Variants in SLC18A2 observed in about 807,000 individuals in gnomAD.
SLC18A2 encodes synaptic vesicular amine transporter.
SLC18A2 carries 33 observed loss-of-function variants against 59.2 expected under a neutral mutation model. The observed-to-expected ratio is 0.56, with a 90% confidence interval of 0.42 to 0.75. The LOEUF (loss-of-function observed/expected upper bound fraction) is 0.75. SLC18A2 is among the 30% of genes least tolerant of loss of function. The pLI is 0.00. For synonymous variants in SLC18A2, 228 were observed against 253.5 expected, an observed-to-expected ratio of 0.90 and a Z score of 0.95; for missense variants, 569 against 668.6, an observed-to-expected ratio of 0.85 and a Z score of 1.64.
intron 3 of SLC18A2, among the ~76,000 whole-genome samples, chr10:117,248,663 A>G (rs905176771): frequency 6.6e-6 from 1 of 152,252 alleles, no homozygotes; most frequent in Non-Finnish European, 1.5e-5. Flanking sequence ...TTAGATATAT[A>G]TGTCCATAAG....
At chr10:117,257,214 A>ACTTCTATATTTACAAAGG (rs1337594473) in intron 9 of SLC18A2, among the ~76,000 whole-genome samples, 1 of 152,086 alleles carries the variant, frequency 6.6e-6, no homozygotes, top group Admixed American at 6.5e-5. Flanking sequence ...TTTTCCAGAT[A>ACTTCTATATTTACAAAGG]GTTCTATATT....
chr10:117,253,219 C>T (rs577280779), intron 3 of SLC18A2, among the ~76,000 whole-genome samples, 180 bp from the exon 4 acceptor site: 123 of 152,256 alleles, frequency 8.1e-4, no homozygotes, highest in Admixed American at 1.4e-3. Flanking sequence ...AATGTATTCA[C>T]GTTCCAAGAC....
At chr10:117,249,347 C>G (rs965652169) in intron 3 of SLC18A2, among the ~76,000 whole-genome samples, 1 of 152,214 alleles carries the variant, frequency 6.6e-6, no homozygotes, top group Non-Finnish European at 1.5e-5. Flanking sequence ...AGTCCGTGCC[C>G]CCTGGAATTC....
rs766434217 is a variant in SLC18A2 at position 117,270,127 on chromosome 10, G to T, written c.1243G>T (p.Val415Leu). The T allele has an allele frequency of 1.9e-6, 3 of 1,614,226 alleles. No individual in the cohort carries two copies. The East Asian group carries it at 6.7e-5, about 36-fold the overall frequency. The change falls in exon 14 of 16, where the codon GTG becomes TTG. Residue 415 changes from valine (V) to leucine (L), a missense_variant. This residue lies in a region of SLC18A2 where 192 missense variants were observed against 278.8 expected (regional missense o/e 0.69). Transcript: ENST00000644641. ...IMGYLVDLRH[V>L]SVYGSVYAIA... ...GGGCTACCTCGTAGACCTGCGGCAC[G>T]TGTCCGTCTATGGGAGTGTGTACGC...
chr10:117,254,743 A>G (rs1844207305), intron 6 of SLC18A2, among the ~76,000 whole-genome samples: 1 of 152,074 alleles, frequency 6.6e-6, no homozygotes, highest in African/African-American at 2.4e-5. Flanking sequence ...TGGAAAACCA[A>G]AGGTTGAACA....
At chr10:117,248,764 T>C (rs1372392043) in intron 3 of SLC18A2, among the ~76,000 whole-genome samples, 2 of 152,238 alleles carry the variant, frequency 1.3e-5, no homozygotes, top group African/African-American at 4.8e-5. Context: ...GTGGTCTTGC[T>C]TAGCATAAGG....
chr10:117,252,471 A>G (rs992786587), intron 3 of SLC18A2, among the ~76,000 whole-genome samples: 2 of 152,082 alleles, frequency 1.3e-5, no homozygotes, highest in Admixed American at 6.5e-5. Flanking sequence ...CAAACCTTCA[A>G]TTGGGCAAGA....
chr10:117,248,790 C>G (rs953011681), intron 3 of SLC18A2, among the ~76,000 whole-genome samples: 1 of 152,184 alleles, frequency 6.6e-6, no homozygotes, highest in East Asian at 1.9e-4. Context: ...ATAATAGTTG[C>G]ATCTTCAGAA....
intron 10 of SLC18A2, among the ~76,000 whole-genome samples, chr10:117,260,012 C>T (rs988959710): frequency 6.6e-6 from 1 of 152,162 alleles, no homozygotes; most frequent in African/African-American, 2.4e-5. Context: ...TTGAGTTATT[C>T]CTGTTCATCT....
At chr10:117,245,509 T>C (rs1050583829) in intron 3 of SLC18A2, among the ~76,000 whole-genome samples, 10 of 151,652 alleles carry the variant, frequency 6.6e-5, no homozygotes, top group Admixed American at 6.6e-4. Context: ...GCAGGGTAGG[T>C]GGGCAGGGAG....
chr10:117,258,728 C>A (rs905724776), intron 10 of SLC18A2, among the ~76,000 whole-genome samples: 1 of 151,240 alleles, frequency 6.6e-6, no homozygotes, highest in Non-Finnish European at 1.5e-5. Context: ...TCTGCTGATA[C>A]CCTTATGTCT....
At chr10:117,273,418 C>T (rs529452360) in intron 15 of SLC18A2, among the ~76,000 whole-genome samples, 23 of 152,234 alleles carry the variant, frequency 1.5e-4, no homozygotes, top group Admixed American at 1.2e-3. Context: ...AGACAAGTCA[C>T]GCTTCTTAAT....
intron 3 of SLC18A2, among the ~76,000 whole-genome samples, chr10:117,251,726 T>C (rs1414901715): frequency 4.6e-5 from 7 of 152,200 alleles, no homozygotes; most frequent in African/African-American, 1.7e-4. Flanking sequence ...ATATGCCGTT[T>C]GGGTACTGGC....
intron 2 of SLC18A2, 60 bp from the exon 3 acceptor site, chr10:117,243,910 CT>C: frequency 2.1e-6 from 3 of 1,408,604 alleles, no homozygotes; most frequent in Non-Finnish European, 1.9e-6. Flanking sequence ...TTTTTGCTGG[CT>C]TTTTTCCTGG....
intron 9 of SLC18A2, among the ~76,000 whole-genome samples, chr10:117,257,169 G>T (rs1344405245): frequency 2.0e-5 from 3 of 152,250 alleles, no homozygotes; most frequent in Non-Finnish European, 2.9e-5. Context: ...AACACGGGAA[G>T]TTCCCAGAAC....
chr10:117,253,845 C>G (rs1565003680), intron 4 of SLC18A2, among the ~76,000 whole-genome samples: 3 of 151,726 alleles, frequency 2.0e-5, no homozygotes, highest in Admixed American at 2.0e-4. Flanking sequence ...GACTCCATCT[C>G]AAAAAAAAGT....
At chr10:117,254,021 G>A in intron 4 of SLC18A2, 27 bp from the exon 5 acceptor site, 2 of 1,608,248 alleles carry the variant, frequency 1.2e-6, no homozygotes, top group Non-Finnish European at 1.7e-6. Context: ...GCACTGATGT[G>A]CGGTCTTGGA....
intron 4 of SLC18A2, 53 bp from the exon 5 acceptor site, chr10:117,253,994 AC>A (rs1247041302): frequency 6.5e-7 from 1 of 1,542,208 alleles, no homozygotes; most frequent in African/African-American, 1.4e-5. Flanking sequence ...CCTGTTTGGG[AC>A]GGTTGTGTCC....
chr10:117,243,638 T>G (rs1844078192), intron 2 of SLC18A2, among the ~76,000 whole-genome samples: 1 of 152,236 alleles, frequency 6.6e-6, no homozygotes, highest in South Asian at 2.1e-4. Flanking sequence ...CAGGCTGGAG[T>G]GCAGTGGTGC....
Sources: allele counts gnomAD v4.1 joint callset (sites outside exome capture counted in the v4.1 genomes callset), GRCh38; gene constraint gnomAD v4.1.1; regional missense constraint gnomAD v4.1.1; transcripts MANE v1.5; gene names NCBI Gene and HGNC (gene_info 2026-07-23, HGNC 2026-07-21).